NLRP8: variants seen among roughly 807,000 people sequenced by gnomAD.
NLRP8 encodes NLR family pyrin domain containing 8, also known as NACHT, LRR and PYD domains-containing protein 8.
In NLRP8, 86 loss-of-function variants were observed where a neutral mutation model predicts 88.7. The ratio of observed to expected loss-of-function variants is 0.97; its 90% CI spans 0.81 to 1.16. The LOEUF (loss-of-function observed/expected upper bound fraction) is 1.16, where lower values mean the gene tolerates loss of function less well. Ranked by LOEUF, NLRP8 falls within the 50% of genes most tolerant of loss-of-function variation. The pLI is 0.00. For missense variants in NLRP8, 1,342 were observed against 1,286.5 expected (o/e 1.04, Z -0.66); for synonymous variants, 504 against 494.6 (o/e 1.02, Z -0.25).
chr19:55,952,624 T>TATCACAGC lies in NLRP8; in HGVS notation c.442+14_442+21dup, dbSNP rs753933890. The TATCACAGC allele has an allele frequency of 6.2e-7, 1 of 1,610,306 alleles. No individual in the cohort carries two copies. On this transcript the variant is annotated intron_variant, in intron 2 of 9. Coordinates refer to ENST00000291971, the MANE Select transcript of NLRP8 (RefSeq NM_176811.2). ...GGAAGGAGAATCTGGTATGTGCCTGTATCACAGCAGACCCTGGTGAAAAAA... is the reference window on the plus strand; with the variant it reads ...GGAAGGAGAATCTGGTATGTGCCTGTATCACAGCATCACAGCAGACCCTGGTGAAAAAA...
At chr19:55,985,926 G>T (rs1600321890) in intron 9 of NLRP8, among the ~76,000 whole-genome samples, 1 of 152,240 alleles carries the variant, frequency 6.6e-6, no homozygotes, top group Middle Eastern at 3.4e-3. Context: ...TGAGGCAGGA[G>T]AATTCTTTGA....
Position 55,966,316 on chromosome 19 carries a change from T to C in NLRP8, c.2317T>C (p.Ser773Pro). 1 of 1,613,564 alleles carries C rather than the reference T, an allele frequency of 6.2e-7. No homozygotes were observed. The highest frequency in any genetic ancestry group is 1.1e-5 in the South Asian group (1 of 91,044). Residue 773 changes from serine to proline, a missense_variant, in exon 5 of 10, where the codon TCC becomes CCC. Physicochemically the swap from Ser to Pro is moderately conservative, Grantham distance 74. Transcript: ENST00000291971. Reference sequence around the variant, plus strand: ...GGAAATACAACATGTGGAAGTGGAGTCCAAAGCTGTGAAGCTTCTATGCAG... The same window carrying C: ...GGAAATACAACATGTGGAAGTGGAGCCCAAAGCTGTGAAGCTTCTATGCAG...
rs180713899 is a variant in NLRP8 at position 55,975,239 on chromosome 19, A to G, written c.2706-894A>G. Among the ~76,000 whole-genome samples the G allele has an allele frequency of 7.2e-5, 11 of 152,326 alleles. No individual in the cohort carries two copies. In the East Asian group the frequency reaches 1.2e-3, roughly 16 times the overall value. Reference sequence around the variant, plus strand: ...TCCCATCCCCTAATTCAATGCCCCAAGCATAGTAACTCTCAGCAAATGTTT... The same window carrying G: ...TCCCATCCCCTAATTCAATGCCCCAGGCATAGTAACTCTCAGCAAATGTTT... On this transcript the variant is annotated intron_variant, in intron 7 of 9. Transcript: ENST00000291971.
rs149667347 is a variant in NLRP8, at chr19:55,986,872, C to T, written c.3048-942C>T. ...CTGCCCTTCCCGCTTTTGTTCTCCA[C>T]TGCTGATTAGAACCCGCGTATTGAG... is the stretch of plus-strand genomic sequence containing the variant. On this transcript the variant is annotated intron_variant, in intron 9 of 9. Coordinates refer to ENST00000291971, the MANE Select transcript of NLRP8 (RefSeq NM_176811.2). Among the ~76,000 whole-genome samples the T allele has an allele frequency of 2.2e-3, 332 of 152,322 alleles. 1 individual carries two copies. Among genetic ancestry groups the T allele is most frequent in the Non-Finnish European group, 4.2e-3 (289 of 68,030 alleles).
intron 1 of NLRP8, among the ~76,000 whole-genome samples, 190 bp from the exon 2 acceptor site, chr19:55,952,348 C>T (rs985332566): frequency 2.0e-5 from 3 of 152,126 alleles, no homozygotes; most frequent in African/African-American, 7.2e-5. Flanking sequence ...CACCTTTTCT[C>T]ATTTCCTAAA....
intron 9 of NLRP8, among the ~76,000 whole-genome samples, chr19:55,986,526 G>A (rs1179798439): frequency 1.3e-5 from 2 of 148,662 alleles, no homozygotes; most frequent in African/African-American, 2.5e-5. Context: ...CTTCAGGACA[G>A]CCAGCTGAAG....
chr19:55,966,486 C>T (rs943757739), intron 5 of NLRP8, 106 bp downstream of exon 5: 3 of 1,110,726 alleles, frequency 2.7e-6, no homozygotes, highest in Non-Finnish European at 3.9e-6. Context: ...CTTTGATCTG[C>T]TGTTGGCTTT....
In NLRP8 at chr19:55,955,823, A is replaced by G. The variant is rs1191941013; in HGVS notation, c.1765A>G (p.Lys589Glu). 1 of 1,614,064 alleles carries G rather than the reference A, an allele frequency of 6.2e-7. No homozygotes were observed. The change falls in exon 3 of 10, where the codon AAA becomes GAA. Residue 589 changes from lysine (K) to glutamate (E), a missense_variant. Lys to Glu is a moderately conservative substitution (Grantham distance 56). Coordinates refer to ENST00000291971, the MANE Select transcript of NLRP8 (RefSeq NM_176811.2). ...TTTCGGTAATAAGAGGAAACTGCTGAAAGTCATACCTCTGTTGCATAAATG... is the reference window on the plus strand; with the variant it reads ...TTTCGGTAATAAGAGGAAACTGCTGGAAGTCATACCTCTGTTGCATAAATG...
chr19:55,981,428 C>G (rs1384517778), intron 9 of NLRP8, among the ~76,000 whole-genome samples: 1 of 152,092 alleles, frequency 6.6e-6, no homozygotes, highest in Admixed American at 6.5e-5. Flanking sequence ...GAGTTCCAAC[C>G]CACATCTACT....
intron 7 of NLRP8, among the ~76,000 whole-genome samples, chr19:55,975,636 C>T (rs146299076): frequency 1.5e-4 from 23 of 152,170 alleles, no homozygotes; most frequent in African/African-American, 3.6e-4. Flanking sequence ...ACAGCATGGA[C>T]GAATCTTCAA....
At chr19:55,959,978 G>A (rs1040189030) in intron 3 of NLRP8, among the ~76,000 whole-genome samples, 8 of 152,088 alleles carry the variant, frequency 5.3e-5, no homozygotes, top group African/African-American at 1.4e-4. Flanking sequence ...GAGGCTTGGG[G>A]GGTTCTTTCA....
intron 5 of NLRP8, among the ~76,000 whole-genome samples, chr19:55,966,958 C>T (rs1979871753): frequency 6.6e-6 from 1 of 152,118 alleles, no homozygotes; most frequent in South Asian, 2.1e-4. Flanking sequence ...ACATAGTAGG[C>T]ATATATATTT....
chr19:55,986,495 C>T (rs920528112), intron 9 of NLRP8, among the ~76,000 whole-genome samples: 12 of 150,872 alleles, frequency 8.0e-5, no homozygotes, highest in Admixed American at 1.3e-4. Context: ...CACACACACA[C>T]ACACACACAC....
At chr19:55,968,751 TAAATA>T (rs1019460945) in intron 5 of NLRP8, among the ~76,000 whole-genome samples, 2 of 151,994 alleles carry the variant, frequency 1.3e-5, no homozygotes, top group South Asian at 2.1e-4. Flanking sequence ...AAAAAATAAA[TAAATA>T]AAATAAAATA....
At chr19:55,953,913 T>G (rs1222105537) in intron 2 of NLRP8, among the ~76,000 whole-genome samples, 1 of 147,276 alleles carries the variant, frequency 6.8e-6, no homozygotes, top group Non-Finnish European at 1.5e-5. Context: ...GCAATTCTCC[T>G]GCCTCCACCT....
At chr19:55,983,570 T>C (rs1980666106) in intron 9 of NLRP8, among the ~76,000 whole-genome samples, 1 of 151,248 alleles carries the variant, frequency 6.6e-6, no homozygotes, top group Non-Finnish European at 1.5e-5. Context: ...TGTACTCACA[T>C]GAGTCTTTAA....
In NLRP8 at chr19:55,965,576, G is replaced by A. The variant is rs966064845; in HGVS notation, c.2214-637G>A. 2.0e-5 allele frequency among the ~76,000 whole-genome samples: 3 copies of A among 152,288 alleles called. No homozygotes were observed. The East Asian group carries it at 5.8e-4, about 29-fold the overall frequency. On this transcript the variant is annotated intron_variant, in intron 4 of 9. Coordinates refer to ENST00000291971, the MANE Select transcript of NLRP8 (RefSeq NM_176811.2). ...AGTCCTCCGAATCCTTCAGGAATAG[G>A]ATGACGTTCCCTTTGCTTTAAGAAA...
At chr19:55,969,866 A>G (rs573632080) in intron 5 of NLRP8, among the ~76,000 whole-genome samples, 1 of 152,308 alleles carries the variant, frequency 6.6e-6, no homozygotes, top group African/African-American at 2.4e-5. Context: ...GGTAAGCACA[A>G]TGCTTCACTG....
rs1979271035 is a variant in NLRP8 at position 55,954,998 on chromosome 19, G to C, written c.940G>C (p.Val314Leu). ...CTGGAGGCAGAAATTGCCTGGGTCTGTCCTACTGAGCAGTTTGCTGAGCAA... is the reference window on the plus strand; with the variant it reads ...CTGGAGGCAGAAATTGCCTGGGTCTCTCCTACTGAGCAGTTTGCTGAGCAA... Residue 314 changes from valine to leucine, a missense_variant, in exon 3 of 10, where the codon GTC becomes CTC. By Grantham distance (32) the Val-to-Leu change is conservative (BLOSUM62 1). Transcript: ENST00000291971. 1 of 1,614,150 alleles carries C rather than the reference G, an allele frequency of 6.2e-7. No homozygotes were observed. The highest frequency in any genetic ancestry group is 8.5e-7 in the Non-Finnish European group (1 of 1,180,038).
Sources: gnomAD v4.1 joint callset for allele counts (sites outside exome capture counted in the v4.1 genomes callset) on GRCh38, gnomAD v4.1.1 for gene constraint, MANE v1.5 for transcripts, NCBI Gene and HGNC (gene_info 2026-07-23, HGNC 2026-07-21) for gene names.